SLC4A8: variants seen among roughly 807,000 people sequenced by gnomAD.
SLC4A8 encodes solute carrier family 4 member 8.
In SLC4A8, 40 loss-of-function variants were observed where a neutral mutation model predicts 125.0. That is an observed-to-expected ratio of 0.32 (90% CI 0.25 to 0.42). The LOEUF is 0.42. Ranked by LOEUF, SLC4A8 falls within the 10% of genes least tolerant of loss-of-function variation. SLC4A8 has a pLI of 1.00. For missense variants in SLC4A8, 863 were observed against 1,355.1 expected (o/e 0.64, Z 5.70); for synonymous variants, 456 against 476.0 (o/e 0.96, Z 0.55).
intron 14 of SLC4A8, among the ~76,000 whole-genome samples, chr12:51,473,169 C>G (rs112580811): frequency 6.6e-6 from 1 of 152,164 alleles, no homozygotes; most frequent in African/African-American, 2.4e-5. Flanking sequence ...ATACAGAATA[C>G]TTTCACTTCC....
intron 2 of SLC4A8, among the ~76,000 whole-genome samples, chr12:51,449,300 T>C (rs1003373958): frequency 3.9e-5 from 6 of 151,940 alleles, no homozygotes; most frequent in African/African-American, 7.3e-5. Flanking sequence ...TAGCTGGGCG[T>C]GGTGGTACAC....
At chr12:51,454,054 C>T (rs560742373) in intron 5 of SLC4A8, among the ~76,000 whole-genome samples, 11 of 152,246 alleles carry the variant, frequency 7.2e-5, no homozygotes, top group Admixed American at 1.3e-4. Flanking sequence ...CCCAGCACTT[C>T]GGGATGCCAA....
At chr12:51,410,205 A>G (rs1212957388) in intron 1 of SLC4A8, among the ~76,000 whole-genome samples, 1 of 152,256 alleles carries the variant, frequency 6.6e-6, no homozygotes, top group African/African-American at 2.4e-5. Context: ...AAAGAGTTTT[A>G]AAGTACATTT....
intron 2 of SLC4A8, among the ~76,000 whole-genome samples, chr12:51,444,458 T>G (rs1949706505): frequency 6.6e-6 from 1 of 152,032 alleles, no homozygotes; most frequent in South Asian, 2.1e-4. Flanking sequence ...TTGGCTAATG[T>G]TCGTGATAAT....
chr12:51,397,538 C>A (rs1349771295), intron 1 of SLC4A8, among the ~76,000 whole-genome samples: 6 of 151,918 alleles, frequency 3.9e-5, no homozygotes, highest in Admixed American at 3.9e-4. Context: ...TCCTAATGAT[C>A]CAAATATCAC....
intron 1 of SLC4A8, among the ~76,000 whole-genome samples, chr12:51,394,359 G>A (rs952137663): frequency 1.3e-5 from 2 of 152,232 alleles, no homozygotes; most frequent in Non-Finnish European, 2.9e-5. Flanking sequence ...TCATGAGTCC[G>A]CAGGATGTGT....
chr12:51,476,018 CA>C (rs1452696070), intron 16 of SLC4A8, among the ~76,000 whole-genome samples: 14 of 152,094 alleles, frequency 9.2e-5, no homozygotes, highest in Non-Finnish European at 1.8e-4. Context: ...AAGTTTGTGC[CA>C]CAGAAGGGCC....
Position 51,507,462 on chromosome 12 carries a change from T to C in SLC4A8, c.*24T>C, listed in dbSNP as rs758662107. The C allele has an allele frequency of 1.4e-5, 20 of 1,386,220 alleles. No homozygotes were observed. Among genetic ancestry groups the C allele is most frequent in the South Asian group, 6.6e-5 (3 of 45,778 alleles). 85.9% of individuals were successfully genotyped at this position (1,386,220 alleles called of 1,614,324 possible). On this transcript the variant is annotated 3_prime_UTR_variant, in exon 25 of 25. Coordinates refer to ENST00000453097, the MANE Select transcript of SLC4A8 (RefSeq NM_001039960.3). Reference sequence around the variant, plus strand: ...AAGAGTCTTTGCTGGGATGGAAGATTTGGGCCGTGTGGTGCCTCAGGGAAG... The same window carrying C: ...AAGAGTCTTTGCTGGGATGGAAGATCTGGGCCGTGTGGTGCCTCAGGGAAG...
chr12:51,492,668 A>T (rs1486521059), intron 19 of SLC4A8, among the ~76,000 whole-genome samples: 1 of 152,112 alleles, frequency 6.6e-6, no homozygotes, highest in Non-Finnish European at 1.5e-5. Flanking sequence ...GGGATTTTCT[A>T]ATTTTTTGTT....
At chr12:51,490,351 C>A (rs974822856) in intron 19 of SLC4A8, among the ~76,000 whole-genome samples, 3 of 151,632 alleles carry the variant, frequency 2.0e-5, no homozygotes, top group African/African-American at 7.3e-5. Flanking sequence ...GTTCGGAGAT[C>A]GAGACCATCC....
chr12:51,393,715 T>C (rs1948206470), intron 1 of SLC4A8, among the ~76,000 whole-genome samples: 1 of 152,154 alleles, frequency 6.6e-6, no homozygotes, highest in Non-Finnish European at 1.5e-5. Context: ...CTGCTCACTC[T>C]TGGCATGATG....
In SLC4A8 at chr12:51,488,672, A is replaced by G. The variant is rs371907797; in HGVS notation, c.2287-27A>G. 4 of 1,595,762 alleles carry G rather than the reference A, an allele frequency of 2.5e-6. No homozygotes were observed. The South Asian group carries it at 3.3e-5, about 13-fold the overall frequency. On this transcript the variant is annotated intron_variant, in intron 17 of 24. Transcript: ENST00000453097. The stretch of plus-strand genomic sequence containing the variant: ...TACCCCAATGACTATAACTTAAAAT[A>G]CAAAAATAATATATTTTCCCCCTTA...
rs1443727707 is a variant in SLC4A8, at chr12:51,489,680, A to ATT, written c.2449-20_2449-19insTT. The stretch of plus-strand genomic sequence containing the variant: ...TACAGCTAGCCTACTGATGGTGACA[A>ATT]AGACTCTGTTTCCCCACAGAAAGGC... On this transcript the variant is annotated intron_variant, in intron 18 of 24. Transcript: ENST00000453097. The ATT allele has an allele frequency of 6.2e-7, 1 of 1,613,692 alleles. No individual in the cohort carries two copies.
chr12:51,457,535 A>G lies in SLC4A8; in HGVS notation c.759A>G (p.Lys253=), dbSNP rs978624327. 8 of 1,611,930 alleles carry G rather than the reference A, an allele frequency of 5.0e-6. No individual in the cohort carries two copies. In the East Asian group the frequency reaches 1.8e-4, roughly 36 times the overall value. ...AGTCTGATCCTCATTTGATGGATAAACATGGTAAGATTATTAGGTGATTTT... is the reference window on the plus strand; with the variant it reads ...AGTCTGATCCTCATTTGATGGATAAGCATGGTAAGATTATTAGGTGATTTT... ...KKQSDPHLMD[K]HGQTVSPQSV... The change falls in exon 6 of 25, where the codon AAA becomes AAG. Residue 253 remains lysine, a synonymous_variant. Transcript: ENST00000453097.
At chr12:51,484,931 G>A (rs1335107509) in intron 16 of SLC4A8, among the ~76,000 whole-genome samples, 2 of 152,122 alleles carry the variant, frequency 1.3e-5, no homozygotes, top group Non-Finnish European at 2.9e-5. Flanking sequence ...CCTAAAAGAC[G>A]TGAGGGAGCT....
chr12:51,405,699 C>T (rs949946562), intron 1 of SLC4A8, among the ~76,000 whole-genome samples: 2 of 152,146 alleles, frequency 1.3e-5, no homozygotes, highest in Admixed American at 1.3e-4. Flanking sequence ...CCTGCAGGGC[C>T]CCGTGGCCAT....
At chr12:51,457,083 T>C (rs1441160370) in intron 5 of SLC4A8, among the ~76,000 whole-genome samples, 1 of 152,208 alleles carries the variant, frequency 6.6e-6, no homozygotes, top group Non-Finnish European at 1.5e-5. Context: ...ATTTGGGCCT[T>C]AATTTCCTCA....
At position 51,489,892 on chromosome 12, in the gene SLC4A8, A is replaced by T; in HGVS notation, c.2641A>T (p.Thr881Ser). The T allele has an allele frequency of 6.2e-7, 1 of 1,614,212 alleles. No homozygotes were observed. Among genetic ancestry groups the T allele is most frequent in the Non-Finnish European group, 8.5e-7 (1 of 1,180,036 alleles). Residue 881 changes from threonine (T) to serine (S), a missense_variant, in exon 19 of 25, where the codon ACA (threonine) becomes TCA (serine). Transcript: ENST00000453097. ...CCTGGGCATCCGAGAACAGAGAGTG[A>T]CAGGCCTTATGATCTTTGTGCTGAT... ...KFLGIREQRV[T>S]GLMIFVLMGC...
chr12:51,487,852 A>G (rs1951202442), intron 17 of SLC4A8, among the ~76,000 whole-genome samples: 1 of 152,252 alleles, frequency 6.6e-6, no homozygotes, highest in African/African-American at 2.4e-5. Flanking sequence ...AAGAGATTCC[A>G]TGCAGATGGC....
Sources: gnomAD v4.1 joint callset for allele counts (sites outside exome capture counted in the v4.1 genomes callset) on GRCh38, gnomAD v4.1.1 for gene constraint, MANE v1.5 for transcripts, NCBI Gene and HGNC (gene_info 2026-07-23, HGNC 2026-07-21) for gene names.